The following WDR27 variants were observed in gnomAD, a reference collection of about 807,000 sequenced individuals.
WDR27 encodes WD repeat domain 27.
In WDR27, 100 loss-of-function variants were observed where a neutral mutation model predicts 114.4. The observed-to-expected ratio is 0.87, with a 90% CI of 0.74 to 1.03. The LOEUF is 1.03. Among genes scored for constraint, WDR27 ranks in the 50% least tolerant of loss-of-function variants. The pLI is 0.00. For missense variants in WDR27, 1,129 were observed against 1,092.9 expected, an observed-to-expected ratio of 1.03 and a Z score of -0.47; for synonymous variants, 449 against 423.1, an observed-to-expected ratio of 1.06 and a Z score of -0.75.
chr6:169,645,023 T>TAAAAAAAAAAATA (rs1820200961), intron 16 of WDR27, among the ~76,000 whole-genome samples: 5 of 46,974 alleles, frequency 1.1e-4, no homozygotes, highest in African/African-American at 2.0e-4. Flanking sequence ...AAAAAAAAAA[T>TAAAAAAAAAAATA]AAAAAAAAAA....
At chr6:169,569,679 G>T (rs1273600237) in intron 25 of WDR27, among the ~76,000 whole-genome samples, 1 of 152,068 alleles carries the variant, frequency 6.6e-6, no homozygotes. Context: ...TGTCAAATTA[G>T]AATCAGATCT....
intron 25 of WDR27, among the ~76,000 whole-genome samples, chr6:169,466,700 A>C (rs947592478): frequency 6.6e-6 from 1 of 152,150 alleles, no homozygotes. Flanking sequence ...CCCTAGACAC[A>C]TGGGGATTAT....
intron 25 of WDR27, among the ~76,000 whole-genome samples, chr6:169,489,510 G>A (rs546881698): frequency 1.3e-5 from 2 of 152,178 alleles, no homozygotes; most frequent in Admixed American, 6.5e-5. Flanking sequence ...CAAGGCCGTC[G>A]CCCGCTGTGA....
At chr6:169,579,720 T>C (rs947211429) in intron 24 of WDR27, among the ~76,000 whole-genome samples, 2 of 152,198 alleles carry the variant, frequency 1.3e-5, no homozygotes, top group East Asian at 3.8e-4. Flanking sequence ...CCACCCCTTA[T>C]GTAGCATATA....
intron 1 of WDR27, among the ~76,000 whole-genome samples, chr6:169,698,394 T>G (rs1365612390): frequency 6.6e-6 from 1 of 151,976 alleles, no homozygotes; most frequent in Non-Finnish European, 1.5e-5. Flanking sequence ...AGAAACATCG[T>G]CAGGGACACA....
chr6:169,644,612 G>A (rs910040397), intron 16 of WDR27, among the ~76,000 whole-genome samples: 1 of 150,290 alleles, frequency 6.7e-6, no homozygotes, highest in Non-Finnish European at 1.5e-5. Flanking sequence ...TAGTTCACAG[G>A]AGTCACACTG....
At chr6:169,664,916 CGGGGG>C (rs2128281841) in intron 7 of WDR27, 1 of 116,926 alleles carries the variant, frequency 8.6e-6, no homozygotes, top group East Asian at 2.7e-4. Context: ...CGTGCGGGCA[CGGGGG>C]ATGCCACACA....
At chr6:169,455,819 G>A (rs1184672875), downstream of WDR27, among the ~76,000 whole-genome samples, 5 of 152,232 alleles carry the variant, frequency 3.3e-5, no homozygotes, top group Non-Finnish European at 5.9e-5. Flanking sequence ...CCTAGCAGTG[G>A]CTTTGCCAAG....
chr6:169,519,523 G>A (rs1273108423), intron 25 of WDR27, among the ~76,000 whole-genome samples: 1 of 151,938 alleles, frequency 6.6e-6, no homozygotes, highest in Non-Finnish European at 1.5e-5. Flanking sequence ...GAGAATGGGG[G>A]GTGGGAAGGT....
At chr6:169,618,627 CAAAAAAAA>C (rs560399990) in intron 21 of WDR27, among the ~76,000 whole-genome samples, 8 of 92,102 alleles carry the variant, frequency 8.7e-5, no homozygotes, top group African/African-American at 3.0e-4. Flanking sequence ...TGGATGACTG[CAAAAAAAA>C]AAAAAAAAAA....
chr6:169,534,607 A>C (rs1000845772), intron 25 of WDR27, among the ~76,000 whole-genome samples: 3 of 152,030 alleles, frequency 2.0e-5, no homozygotes, highest in Non-Finnish European at 4.4e-5. Flanking sequence ...TTATTCTTGA[A>C]TCAATTTCAG....
At chr6:169,611,974 A>G (rs912778304) in intron 22 of WDR27, among the ~76,000 whole-genome samples, 2 of 152,164 alleles carry the variant, frequency 1.3e-5, no homozygotes, top group African/African-American at 4.8e-5. Flanking sequence ...GTTCTCTACT[A>G]AAAATACAAA....
At chr6:169,678,342 T>C (rs1008948032) in intron 2 of WDR27, among the ~76,000 whole-genome samples, 1 of 152,238 alleles carries the variant, frequency 6.6e-6, no homozygotes, top group Non-Finnish European at 1.5e-5. Context: ...TGGAGCTTTA[T>C]GATTTAATGA....
intron 25 of WDR27, among the ~76,000 whole-genome samples, chr6:169,537,090 A>G (rs1442235571): frequency 6.6e-6 from 1 of 152,176 alleles, no homozygotes; most frequent in African/African-American, 2.4e-5. Context: ...TTATCCTCAT[A>G]TAACAGAGAC....
rs150266215 is a variant in WDR27 at position 169,593,852 on chromosome 6, A to AAAACAAAC, written c.2424+8359_2424+8366dup. Among the ~76,000 whole-genome samples the AAAACAAAC allele has an allele frequency of 6.5e-3, 882 of 135,128 alleles. 9 individuals are homozygous for AAAACAAAC. The highest frequency in any genetic ancestry group is 0.02 in the African/African-American group (823 of 40,256). 88.6% of individuals were successfully genotyped at this position (135,128 alleles called of 152,430 possible). ...CAACAGAGCAAGACTCTGTCTCAAA[A>AAAACAAAC]AAACAAACAAACAAACAAACAAACA... On this transcript the variant is annotated intron_variant, in intron 23 of 25. Transcript: ENST00000448612.
At chr6:169,444,864 C>T in the WDR27 span, among the ~76,000 whole-genome samples, 1 of 152,132 alleles carries the variant, frequency 6.6e-6, no homozygotes, top group Admixed American at 6.5e-5. Flanking sequence ...TCCTGGGCTG[C>T]CCTTTTGCCA....
chr6:169,667,219 G>A (rs1038506247), intron 5 of WDR27, 32 bp from the exon 6 acceptor site: 3 of 1,467,508 alleles, frequency 2.0e-6, no homozygotes, highest in East Asian at 2.7e-5. Context: ...TTTAGAAGAG[G>A]TAACAACGTT....
At chr6:169,531,387 G>A (rs1383218082) in intron 25 of WDR27, among the ~76,000 whole-genome samples, 1 of 152,114 alleles carries the variant, frequency 6.6e-6, no homozygotes, top group African/African-American at 2.4e-5. Context: ...TGGACATTGG[G>A]GAGCAAACAC....
intron 2 of WDR27, among the ~76,000 whole-genome samples, chr6:169,677,871 T>TG (rs905844355): frequency 3.9e-5 from 6 of 152,216 alleles, no homozygotes; most frequent in African/African-American, 1.2e-4. Flanking sequence ...CCACAGGCCT[T>TG]GGTGGTTTCC....
Sources: gnomAD v4.1 joint callset for allele counts (sites outside exome capture counted in the v4.1 genomes callset) on GRCh38, gnomAD v4.1.1 for gene constraint, MANE v1.5 for transcripts, NCBI Gene and HGNC (gene_info 2026-07-23, HGNC 2026-07-21) for gene names.